BMPER: variants seen among roughly 807,000 people sequenced by gnomAD.
The protein encoded by BMPER is BMP binding endothelial regulator, also known as BMP-binding endothelial regulator protein.
A neutral mutation model predicts 87.3 loss-of-function variants in BMPER; 45 were observed. The observed-to-expected ratio is 0.52, with a 90% CI of 0.41 to 0.66. The LOEUF (loss-of-function observed/expected upper bound fraction) is 0.66. Among genes scored for constraint, BMPER ranks in the 30% least tolerant of loss-of-function variants. The pLI is 0.00. For missense variants in BMPER, 784 were observed against 867.5 expected, an observed-to-expected ratio of 0.90 and a Z score of 1.21; for synonymous variants, 326 against 316.2, an observed-to-expected ratio of 1.03 and a Z score of -0.33.
chr7:34,031,995 ATG>A lies in BMPER; in HGVS notation c.577-14297_577-14296del, dbSNP rs1265901636. Among the ~76,000 whole-genome samples the A allele has an allele frequency of 2.8e-3, 386 of 140,326 alleles. 1 individual carries two copies. Among genetic ancestry groups the A allele is most frequent in the Non-Finnish European group, 3.3e-3 (218 of 65,210 alleles). The allele number at this position is 140,326 out of a possible 152,430, so 92.1% of individuals were successfully genotyped here. ...AAATATATCTTATATATAAATATAT[ATG>A]TGTGTGTGTGTGTATATATATATAT... On this transcript the variant is annotated intron_variant, in intron 6 of 14. Coordinates refer to ENST00000649409, the MANE Select transcript of BMPER (RefSeq NM_001365308.1).
intron 2 of BMPER, among the ~76,000 whole-genome samples, chr7:33,932,281 G>T (rs1002849176): frequency 2.6e-5 from 4 of 152,176 alleles, no homozygotes; most frequent in African/African-American, 9.7e-5. Context: ...GGAATAACAG[G>T]GCACCCCGCC....
chr7:34,092,949 G>T (rs1004821352), intron 13 of BMPER, among the ~76,000 whole-genome samples: 1 of 152,140 alleles, frequency 6.6e-6, no homozygotes, highest in Non-Finnish European at 1.5e-5. Context: ...ATTAATCTTT[G>T]TAGAGAGATT....
At chr7:33,943,201 G>A (rs1228393898) in intron 3 of BMPER, among the ~76,000 whole-genome samples, 1 of 152,078 alleles carries the variant, frequency 6.6e-6, no homozygotes, top group Non-Finnish European at 1.5e-5. Flanking sequence ...AATTTATTGT[G>A]TGTTTTCCAG....
intron 11 of BMPER, among the ~76,000 whole-genome samples, chr7:34,072,133 A>G (rs758865579): frequency 1.9e-4 from 29 of 152,208 alleles, no homozygotes; most frequent in Non-Finnish European, 3.7e-4. Flanking sequence ...TGAATATACA[A>G]TGTGCACAGA....
At chr7:34,144,114 G>A (rs902154863) in intron 14 of BMPER, among the ~76,000 whole-genome samples, 10 of 152,196 alleles carry the variant, frequency 6.6e-5, no homozygotes, top group African/African-American at 2.4e-4. Flanking sequence ...GATGAAGAGG[G>A]AGGCTTCTCT....
At chr7:34,089,740 T>A (rs1294677941) in intron 13 of BMPER, among the ~76,000 whole-genome samples, 1 of 152,172 alleles carries the variant, frequency 6.6e-6, no homozygotes, top group Admixed American at 6.5e-5. Context: ...TGCCTCAGCC[T>A]CCCAAAGTGC....
chr7:34,103,224 T>C (rs1460810435), intron 13 of BMPER, among the ~76,000 whole-genome samples: 1 of 152,004 alleles, frequency 6.6e-6, no homozygotes, highest in Non-Finnish European at 1.5e-5. Context: ...GGAACAAACA[T>C]GGGTGTAGAG....
intron 11 of BMPER, among the ~76,000 whole-genome samples, chr7:34,076,504 T>C (rs1412689840): frequency 6.6e-6 from 1 of 152,138 alleles, no homozygotes; most frequent in Non-Finnish European, 1.5e-5. Flanking sequence ...TCACTTAACA[T>C]GTCATAAGCA....
At chr7:33,910,170 G>A (rs1245931901) in intron 2 of BMPER, among the ~76,000 whole-genome samples, 1 of 152,154 alleles carries the variant, frequency 6.6e-6, no homozygotes, top group African/African-American at 2.4e-5. Flanking sequence ...GTGCTTTATT[G>A]TTTAGTCAGA....
chr7:34,039,102 A>G (rs984815138), intron 6 of BMPER, among the ~76,000 whole-genome samples: 2 of 152,192 alleles, frequency 1.3e-5, no homozygotes, highest in African/African-American at 4.8e-5. Context: ...TTCTTCTCTC[A>G]CTGAGAACTG....
upstream of BMPER, chr7:33,905,438 T>TCCCCCCCCCCC: frequency 4.3e-5 from 1 of 23,006 alleles, no homozygotes. Context: ...CCTTGGTCTC[T>TCCCCCCCCCCC]CCCCCCGCCC....
intron 14 of BMPER, among the ~76,000 whole-genome samples, chr7:34,145,442 C>T (rs1418158783): frequency 1.3e-5 from 2 of 152,048 alleles, no homozygotes; most frequent in Admixed American, 6.6e-5. Flanking sequence ...AGTATTGATT[C>T]GATAAAAATA....
intron 13 of BMPER, among the ~76,000 whole-genome samples, chr7:34,097,607 G>T (rs1585831170): frequency 1.3e-5 from 2 of 152,106 alleles, no homozygotes; most frequent in Non-Finnish European, 2.9e-5. Flanking sequence ...CTGATTCAGT[G>T]GGTCTAGGTG....
At chr7:34,012,372 T>C (rs949331560) in intron 6 of BMPER, among the ~76,000 whole-genome samples, 3 of 151,958 alleles carry the variant, frequency 2.0e-5, no homozygotes, top group African/African-American at 7.2e-5. Context: ...AGAAACCAAA[T>C]GTTGGTATCC....
chr7:33,919,988 G>T (rs1342134730), intron 2 of BMPER, among the ~76,000 whole-genome samples: 6 of 150,434 alleles, frequency 4.0e-5, no homozygotes, highest in Non-Finnish European at 5.9e-5. Flanking sequence ...AATGGTTTTA[G>T]TTTGGAAACT....
At chr7:34,025,172 C>G (rs1249874515) in intron 6 of BMPER, among the ~76,000 whole-genome samples, 8 of 152,116 alleles carry the variant, frequency 5.3e-5, no homozygotes, top group Non-Finnish European at 1.0e-4. Flanking sequence ...AGACAGCAAA[C>G]ATGGTCCTTC....
At chr7:34,109,114 G>A (rs1789897226) in intron 13 of BMPER, among the ~76,000 whole-genome samples, 1 of 152,188 alleles carries the variant, frequency 6.6e-6, no homozygotes, top group African/African-American at 2.4e-5. Context: ...AGGGCTGATG[G>A]TATAATTTCA....
intron 6 of BMPER, among the ~76,000 whole-genome samples, chr7:33,986,813 T>A (rs778483638): frequency 1.2e-4 from 18 of 152,216 alleles, no homozygotes; most frequent in Non-Finnish European, 2.2e-4. Flanking sequence ...CTCAGAGTAC[T>A]TTAGGACATT....
At chr7:34,029,056 C>T (rs1266537155) in intron 6 of BMPER, among the ~76,000 whole-genome samples, 3 of 151,912 alleles carry the variant, frequency 2.0e-5, no homozygotes, top group African/African-American at 4.8e-5. Context: ...ATGAAAAGTA[C>T]ATGCTGAGAT....
Sources: allele counts gnomAD v4.1 joint callset (sites outside exome capture counted in the v4.1 genomes callset), GRCh38; gene constraint gnomAD v4.1.1; transcripts MANE v1.5; gene names NCBI Gene and HGNC (gene_info 2026-07-23, HGNC 2026-07-21).